The following RASL11A variants were observed in gnomAD, a reference collection of about 807,000 sequenced individuals.
The protein encoded by RASL11A is ras-like protein family member 11A.
Under a neutral mutation model 17.1 loss-of-function variants are expected in RASL11A, and 14 were observed. The ratio of observed to expected loss-of-function variants is 0.82; its 90% CI spans 0.54 to 1.28. The LOEUF (loss-of-function observed/expected upper bound fraction) is 1.28, where lower values mean the gene tolerates loss of function less well. Among genes scored for constraint, RASL11A ranks in the 50% most tolerant of loss-of-function variants. The probability of loss-of-function intolerance (pLI) is 0.00; values close to 1 mark genes in which losing one functional copy is unlikely to be tolerated. For synonymous variants in RASL11A, 146 were observed against 132.5 expected (o/e 1.10, Z -0.70); for missense variants, 283 against 312.3 (o/e 0.91, Z 0.71).
At chr13:27,271,349 C>T (rs1181663513) in intron 1 of RASL11A, 135 bp from the exon 2 acceptor site, 3 of 1,513,712 alleles carry the variant, frequency 2.0e-6, no homozygotes, top group Admixed American at 2.0e-5. Context: ...CCCGCGGCAC[C>T]ACGGCTTTGC....
At chr13:27,271,099 C>T (rs747524515) in intron 1 of RASL11A, 31 bp downstream of exon 1, 3 of 1,543,266 alleles carry the variant, frequency 1.9e-6, no homozygotes, top group Admixed American at 2.0e-5. Context: ...CGGGCGGCTT[C>T]GCTCCCCGGC....
Position 27,273,944 on chromosome 13 carries a change from A to G in RASL11A, c.*450A>G, listed in dbSNP as rs1029020553. ...TATGTGGAGGAGGAGAGGGATTTTA[A>G]TAACGGCAGGAGGTCTTTAAATGGG... On this transcript the variant is annotated 3_prime_UTR_variant, in exon 4 of 4. Transcript: ENST00000241463. Among the ~76,000 whole-genome samples the G allele has an allele frequency of 6.6e-6, 1 of 151,946 alleles. No individual in the cohort carries two copies. The highest frequency in any genetic ancestry group is 1.5e-5 in the Non-Finnish European group (1 of 67,976).
In RASL11A at chr13:27,274,822, A is replaced by G. The variant is rs1280096678; in HGVS notation, c.*1328A>G. Among the ~76,000 whole-genome samples the G allele has an allele frequency of 6.6e-6, 1 of 152,200 alleles. No individual in the cohort carries two copies. Among genetic ancestry groups the G allele is most frequent in the Non-Finnish European group, 1.5e-5 (1 of 68,044 alleles). On this transcript the variant is annotated 3_prime_UTR_variant, in exon 4 of 4. Coordinates refer to ENST00000241463, the MANE Select transcript of RASL11A (RefSeq NM_206827.2). ...CAATCTTCTAGTTCAGTGCTTCCCC[A>G]TAGAGTGGTAAGTTTTAAGTAAACA...
chr13:27,273,252 A>G lies in RASL11A; in HGVS notation c.487A>G (p.Ile163Val), dbSNP rs770753534. The G allele has an allele frequency of 3.7e-6, 6 of 1,614,240 alleles. No individual in the cohort carries two copies. Among genetic ancestry groups the G allele is most frequent in the South Asian group, 1.1e-5 (1 of 91,088 alleles). ...CCGGCAGGTGCAGACACAGGACGGT[A>G]TTCAGCTAGCCAATGAGCTGGGCAG... ...HARQVQTQDG[I>V]QLANELGSLF... The change falls in exon 4 of 4, where the codon ATT (isoleucine) becomes GTT (valine). Residue 163 changes from isoleucine (I) to valine (V), a missense_variant. Physicochemically the swap from Ile to Val is conservative, Grantham distance 29. Transcript: ENST00000241463.
chr13:27,271,834 C>A, intron 3 of RASL11A, 116 bp downstream of exon 3: 2 of 788,500 alleles, frequency 2.5e-6, no homozygotes, highest in Non-Finnish European at 4.1e-6. Flanking sequence ...CTAAACCGAC[C>A]TGTGCGTTTA....
At position 27,274,333 on chromosome 13, in the gene RASL11A, A is replaced by G. The variant is rs776548029; in HGVS notation, c.*839A>G. On this transcript the variant is annotated 3_prime_UTR_variant, in exon 4 of 4. Coordinates refer to ENST00000241463, the MANE Select transcript of RASL11A (RefSeq NM_206827.2). ...TGACATCTCCTAATTGTCTCTTCAC[A>G]TCAGAACAATGCTACTAAAACTAAC... Among the ~76,000 whole-genome samples, 2 of 152,190 alleles carry G rather than the reference A, an allele frequency of 1.3e-5. No individual in the cohort carries two copies. The highest frequency in any genetic ancestry group is 2.9e-5 in the Non-Finnish European group (2 of 68,034).
At position 27,271,810 on chromosome 13, in the gene RASL11A, T is replaced by A. The variant is rs528904060; in HGVS notation, c.261+92T>A. The A allele has an allele frequency of 2.5e-4, 268 of 1,062,658 alleles. No homozygotes were observed. The East Asian group carries it at 4.8e-3, about 19-fold the overall frequency. The allele number at this position is 1,062,658 out of a possible 1,614,324, so 65.8% of individuals were successfully genotyped here. A position where few individuals can be genotyped will look rare whatever the true frequency, so the allele number is the denominator to read the frequency against. ...AGGGCGCCCATGCTGGGCGCAGGGGTCTGAGCAAGGCATCTAAACCGACCT... is the reference window on the plus strand; with the variant it reads ...AGGGCGCCCATGCTGGGCGCAGGGGACTGAGCAAGGCATCTAAACCGACCT... On this transcript the variant is annotated intron_variant, in intron 3 of 3. Coordinates refer to ENST00000241463, the MANE Select transcript of RASL11A (RefSeq NM_206827.2).
At chr13:27,272,946 C>T in intron 3 of RASL11A, 81 bp from the exon 4 acceptor site, 2 of 1,112,140 alleles carry the variant, frequency 1.8e-6, no homozygotes, top group Non-Finnish European at 2.7e-6. Flanking sequence ...AGTGTTTCTT[C>T]AAGGGTTGCC....
intron 3 of RASL11A, among the ~76,000 whole-genome samples, chr13:27,271,987 C>G (rs994468830): frequency 6.6e-6 from 1 of 152,198 alleles, no homozygotes; most frequent in African/African-American, 2.4e-5. Context: ...GCCATCACTA[C>G]TTAAGCAGGT....
At chr13:27,272,049 G>A (rs1419313586) in intron 3 of RASL11A, among the ~76,000 whole-genome samples, 1 of 152,092 alleles carries the variant, frequency 6.6e-6, no homozygotes, top group African/African-American at 2.4e-5. Flanking sequence ...AGAAAAAAAC[G>A]TTTAAAACAA....
At chr13:27,272,352 C>G (rs528843556) in intron 3 of RASL11A, among the ~76,000 whole-genome samples, 24 of 152,240 alleles carry the variant, frequency 1.6e-4, no homozygotes, top group African/African-American at 4.6e-4. Flanking sequence ...AGGCTGGTCT[C>G]GAACTCCTGA....
At position 27,271,148 on chromosome 13, in the gene RASL11A, G is replaced by T. The variant is rs1392346807; in HGVS notation, c.124+80G>T. ...ACTGGGGGCGCTGCGGAGAGAGGGC[G>T]CCTCGGCCGAAGCAGAGGGCGCGGG... On this transcript the variant is annotated intron_variant, in intron 1 of 3. Coordinates refer to ENST00000241463, the MANE Select transcript of RASL11A (RefSeq NM_206827.2). 2.7e-6 allele frequency: 4 copies of T among 1,493,534 alleles called. No homozygotes were observed. The Admixed American group carries it at 7.4e-5, about 28-fold the overall frequency. The allele number at this position is 1,493,534 out of a possible 1,614,324, so 92.5% of individuals were successfully genotyped here. A position where few individuals can be genotyped will look rare whatever the true frequency, so the allele number is the denominator to read the frequency against.
At position 27,271,726 on chromosome 13, in the gene RASL11A, C is replaced by G. The variant is rs769671671; in HGVS notation, c.261+8C>G. 1.2e-6 allele frequency: 2 copies of G among 1,601,782 alleles called. No individual in the cohort carries two copies. The highest frequency in any genetic ancestry group is 1.1e-5 in the South Asian group (1 of 90,128). Reference sequence around the variant, plus strand: ...ACTCCCGGGGGCGTCCAGGTAAGAACCGCCAGGGGCAAACAGCTCACCCCC... The same window carrying G: ...ACTCCCGGGGGCGTCCAGGTAAGAAGCGCCAGGGGCAAACAGCTCACCCCC... On this transcript the variant is annotated splice_region_variant and intron_variant, in intron 3 of 3. Coordinates refer to ENST00000241463, the MANE Select transcript of RASL11A (RefSeq NM_206827.2).
chr13:27,271,102 TC>T, intron 1 of RASL11A, 34 bp downstream of exon 1: 2 of 1,539,628 alleles, frequency 1.3e-6, no homozygotes, highest in Non-Finnish European at 1.8e-6. Context: ...GCGGCTTCGC[TC>T]CCCGGCTCCG....
intron 2 of RASL11A, 23 bp downstream of exon 2, chr13:27,271,563 T>C: frequency 1.2e-6 from 2 of 1,613,728 alleles, no homozygotes; most frequent in Non-Finnish European, 1.7e-6. Context: ...TCACGCTCCC[T>C]GCTTTTATGC....
rs1170473057 is a variant in RASL11A at position 27,274,732 on chromosome 13, A to G, written c.*1238A>G. 6.6e-6 allele frequency among the ~76,000 whole-genome samples: 1 copy of G among 152,074 alleles called. No homozygotes were observed. The highest frequency in any genetic ancestry group is 2.4e-5 in the African/African-American group (1 of 41,414). Reference sequence around the variant, plus strand: ...TATAACCCAACCCTGTCAGGTAGCTATTTGTTACTCCATTAGAAGGAGTCC... The same window carrying G: ...TATAACCCAACCCTGTCAGGTAGCTGTTTGTTACTCCATTAGAAGGAGTCC... On this transcript the variant is annotated 3_prime_UTR_variant, in exon 4 of 4. Coordinates refer to ENST00000241463, the MANE Select transcript of RASL11A (RefSeq NM_206827.2).
At position 27,271,727 on chromosome 13, in the gene RASL11A, C is replaced by T. The variant is rs201702368; in HGVS notation, c.261+9C>T. On this transcript the variant is annotated intron_variant, in intron 3 of 3. Transcript: ENST00000241463. ...CTCCCGGGGGCGTCCAGGTAAGAAC[C>T]GCCAGGGGCAAACAGCTCACCCCCA... 2.5e-6 allele frequency: 4 copies of T among 1,601,382 alleles called. No individual in the cohort carries two copies. Among genetic ancestry groups the T allele is most frequent in the Admixed American group, 1.7e-5 (1 of 57,818 alleles).
intron 3 of RASL11A, 65 bp from the exon 4 acceptor site, chr13:27,272,962 G>C (rs1882339105): frequency 7.5e-7 from 1 of 1,326,982 alleles, no homozygotes; most frequent in Non-Finnish European, 1.1e-6. Context: ...TTGCCTTGAT[G>C]TTGTTTTGAG....
intron 3 of RASL11A, among the ~76,000 whole-genome samples, chr13:27,272,791 G>T (rs760316039): frequency 1.3e-5 from 2 of 152,202 alleles, no homozygotes; most frequent in Non-Finnish European, 2.9e-5. Flanking sequence ...GACAAGCAAG[G>T]GGTTTAAAAA....
Sources: allele counts gnomAD v4.1 joint callset (sites outside exome capture counted in the v4.1 genomes callset), GRCh38; gene constraint gnomAD v4.1.1; transcripts MANE v1.5; gene names NCBI Gene and HGNC (gene_info 2026-07-23, HGNC 2026-07-21).